The following COL25A1 variants were observed in gnomAD, a reference collection of about 807,000 sequenced individuals.
The protein encoded by COL25A1 is collagen alpha-1(XXV) chain.
A neutral mutation model predicts 128.4 loss-of-function variants in COL25A1; 103 were observed. That is an observed-to-expected ratio of 0.80 (90% CI 0.68 to 0.94). The LOEUF (loss-of-function observed/expected upper bound fraction) is 0.94, where lower values mean the gene tolerates loss of function less well. Among genes scored for constraint, COL25A1 ranks in the 40% least tolerant of loss-of-function variants. The pLI is 0.00. For missense variants in COL25A1, 745 were observed against 840.0 expected (o/e 0.89, Z 1.40); for synonymous variants, 279 against 277.2 (o/e 1.01, Z -0.06).
chr4:109,275,389 C>T (rs550347894), intron 3 of COL25A1, among the ~76,000 whole-genome samples: 96 of 152,278 alleles, frequency 6.3e-4, no homozygotes, highest in African/African-American at 2.2e-3. Flanking sequence ...ATAAAAAGTT[C>T]ATCTCTAGCT....
At chr4:108,966,462 T>C (rs376005559) in intron 8 of COL25A1, among the ~76,000 whole-genome samples, 20 of 152,188 alleles carry the variant, frequency 1.3e-4, no homozygotes, top group African/African-American at 7.2e-5. Context: ...TGGCGTTGAG[T>C]CCCAACACTG....
At position 108,884,777 on chromosome 4, in the gene COL25A1, C is replaced by T. The variant is rs868362380; in HGVS notation, c.976-555G>A. On this transcript the variant is annotated intron_variant, in intron 18 of 37. Coordinates refer to ENST00000399132, the MANE Select transcript of COL25A1 (RefSeq NM_198721.4). ...ACTTAAGATTAAACCTAACTCCAGT[C>T]TGTACTTCTGACAATTGTTGAGTCT... Among the ~76,000 whole-genome samples, 8 of 152,326 alleles carry T rather than the reference C, an allele frequency of 5.3e-5. No homozygotes were observed. The Middle Eastern group carries it at 0.014, about 259-fold the overall frequency.
intron 3 of COL25A1, among the ~76,000 whole-genome samples, chr4:109,092,331 A>T (rs929209023): frequency 6.6e-6 from 1 of 152,174 alleles, no homozygotes; most frequent in African/African-American, 2.4e-5. Context: ...TTTTTAAAAA[A>T]TTAGCTGGGT....
chr4:109,241,886 T>A (rs1779920204), intron 3 of COL25A1, among the ~76,000 whole-genome samples: 1 of 152,112 alleles, frequency 6.6e-6, no homozygotes, highest in South Asian at 2.1e-4. Flanking sequence ...CCTGATGTAT[T>A]CATAAGTCTT....
intron 3 of COL25A1, among the ~76,000 whole-genome samples, chr4:109,112,654 A>C (rs1767137335): frequency 6.6e-6 from 1 of 152,124 alleles, no homozygotes; most frequent in Non-Finnish European, 1.5e-5. Flanking sequence ...TATCCTCAAA[A>C]AAGAAAGAAA....
chr4:109,143,414 T>C lies in COL25A1; in HGVS notation c.368-93235A>G, dbSNP rs565930482. Among the ~76,000 whole-genome samples the C allele has an allele frequency of 1.1e-3, 162 of 152,182 alleles. 1 individual carries two copies. The highest frequency in any genetic ancestry group is 3.8e-3 in the African/African-American group (157 of 41,444). On this transcript the variant is annotated intron_variant, in intron 3 of 37. Transcript: ENST00000399132. The stretch of plus-strand genomic sequence containing the variant: ...TTGATCTTCTCGAGGAGTATCTTTG[T>C]GGTGTTCTCTGTATTTCCTGAATTT...
chr4:109,300,379 C>A (rs1725396144), intron 3 of COL25A1, among the ~76,000 whole-genome samples: 1 of 152,178 alleles, frequency 6.6e-6, no homozygotes, highest in Non-Finnish European at 1.5e-5. Context: ...TTTGCTTTCC[C>A]ATAACAGGCC....
intron 3 of COL25A1, among the ~76,000 whole-genome samples, chr4:109,065,966 T>C (rs751851510): frequency 1.9e-4 from 29 of 152,188 alleles, no homozygotes; most frequent in Non-Finnish European, 3.7e-4. Context: ...CTATCGGTCA[T>C]TTAAATCCAT....
At chr4:109,157,704 T>C (rs2126112533) in intron 3 of COL25A1, among the ~76,000 whole-genome samples, 1 of 152,332 alleles carries the variant, frequency 6.6e-6, no homozygotes, top group East Asian at 1.9e-4. Context: ...ACCAATCCTG[T>C]CTTACAAGGA....
At chr4:108,904,381 G>A (rs1192378679) in intron 13 of COL25A1, among the ~76,000 whole-genome samples, 1 of 151,956 alleles carries the variant, frequency 6.6e-6, no homozygotes, top group Admixed American at 6.6e-5. Context: ...ATTTTTAGGG[G>A]CAAAGTTTTC....
At chr4:109,001,794 G>C (rs114668829) in intron 6 of COL25A1, among the ~76,000 whole-genome samples, 215 of 152,270 alleles carry the variant, frequency 1.4e-3, no homozygotes, top group African/African-American at 4.7e-3. Flanking sequence ...AGCCAGAGCA[G>C]GATTTGCAGG....
intron 33 of COL25A1, among the ~76,000 whole-genome samples, chr4:108,826,852 CAGTT>C (rs59553764): frequency 0.099 from 15,126 of 152,084 alleles, 985 homozygotes; most frequent in African/African-American, 0.17. Flanking sequence ...CATCTTCTGA[CAGTT>C]AGGATCCTGT....
At chr4:108,814,902 T>G (rs1028063025) in intron 37 of COL25A1, among the ~76,000 whole-genome samples, 10 of 152,160 alleles carry the variant, frequency 6.6e-5, no homozygotes, top group Non-Finnish European at 1.2e-4. Flanking sequence ...CATCTTTAAG[T>G]TTATTTATTA....
At chr4:108,935,492 T>C (rs35373487) in intron 11 of COL25A1, among the ~76,000 whole-genome samples, 2,873 of 152,318 alleles carry the variant, frequency 0.019, 50 homozygotes, top group Non-Finnish European at 0.033. Context: ...TTAAAAACAG[T>C]AATTTTTAAA....
rs747507580 is a variant in COL25A1, at chr4:108,884,215, G to C, written c.983C>G (p.Pro328Arg). The C allele has an allele frequency of 3.7e-6, 6 of 1,613,326 alleles. No individual in the cohort carries two copies. The highest frequency in any genetic ancestry group is 1.7e-4 in the Middle Eastern group (1 of 6,058). Residue 328 changes from proline to arginine, a missense_variant, in exon 19 of 38, where the codon CCA becomes CGA. Physicochemically the swap from Pro to Arg is moderately radical, Grantham distance 103 (BLOSUM62 -2). This residue lies in a region of COL25A1 where 387 missense variants were observed against 441.9 expected (regional missense o/e 0.88). Coordinates refer to ENST00000399132, the MANE Select transcript of COL25A1 (RefSeq NM_198721.4). Reference protein sequence around the residue: ...ESGRPGQKGEPGLPGLPGLPG... With the variant: ...ESGRPGQKGERGLPGLPGLPG... ...AAGTCCAGGAAGCCCAGGAAGCCCT[G>C]GTTCACCCTACACAGGAAAATCATA...
intron 3 of COL25A1, among the ~76,000 whole-genome samples, chr4:109,128,620 G>A (rs1001640505): frequency 1.3e-5 from 2 of 152,174 alleles, no homozygotes; most frequent in African/African-American, 2.4e-5. Context: ...GACTGTCCTT[G>A]TTTGGTGCCC....
rs199911632 is a variant in COL25A1, at chr4:109,003,817, C to CA, written c.438+6540dup. Among the ~76,000 whole-genome samples, 1,005 of 152,060 alleles carry CA rather than the reference C, an allele frequency of 6.6e-3. 9 individuals are homozygous for CA. The highest frequency in any genetic ancestry group is 0.023 in the African/African-American group (947 of 41,474). On this transcript the variant is annotated intron_variant, in intron 6 of 37. Transcript: ENST00000399132. The stretch of plus-strand genomic sequence containing the variant: ...TCCATCTCAAAAACAAAAACAAAAA[C>CA]AAAAAAACGAAATATAAATGCTCAT...
chr4:108,873,521 TCTAGTA>T (rs1236630564), intron 19 of COL25A1, among the ~76,000 whole-genome samples: 1 of 91,398 alleles, frequency 1.1e-5, no homozygotes, highest in Non-Finnish European at 2.2e-5. Flanking sequence ...ATGTTAGCTG[TCTAGTA>T]GTAGTAGTAG....
In COL25A1 at chr4:109,146,870, T is replaced by C. The variant is rs542620353; in HGVS notation, c.368-96691A>G. On this transcript the variant is annotated intron_variant, in intron 3 of 37. Coordinates refer to ENST00000399132, the MANE Select transcript of COL25A1 (RefSeq NM_198721.4). The stretch of plus-strand genomic sequence containing the variant: ...ACTGGGCTTAAGAATGTTGCATCAG[T>C]GTGTTCCTGGATTCTGCAAACATCT... Among the ~76,000 whole-genome samples the C allele has an allele frequency of 1.4e-4, 21 of 152,354 alleles. No homozygotes were observed. In the East Asian group the frequency reaches 3.5e-3, roughly 25 times the overall value.
Sources: allele counts gnomAD v4.1 joint callset (sites outside exome capture counted in the v4.1 genomes callset), GRCh38; gene constraint gnomAD v4.1.1; regional missense constraint gnomAD v4.1.1; transcripts MANE v1.5; gene names NCBI Gene and HGNC (gene_info 2026-07-23, HGNC 2026-07-21).